Variants in FRMD6 observed in about 807,000 individuals in gnomAD.
FRMD6 encodes the protein FERM domain containing 6.
FRMD6 carries 37 observed loss-of-function variants against 73.2 expected under a neutral mutation model. The observed-to-expected ratio is 0.51, with a 90% CI of 0.39 to 0.66. The LOEUF is 0.66. FRMD6 is among the 30% of genes least tolerant of loss of function. The probability of loss-of-function intolerance (pLI) is 0.00; values close to 1 mark genes in which losing one functional copy is unlikely to be tolerated. For missense variants in FRMD6, 714 were observed against 780.5 expected (o/e 0.91, Z 1.02); for synonymous variants, 273 against 282.2 (o/e 0.97, Z 0.33).
chr14:51,455,621 T>C, the FRMD6 span, among the ~76,000 whole-genome samples: 1 of 152,314 alleles, frequency 6.6e-6, no homozygotes, highest in East Asian at 1.9e-4. Flanking sequence ...TCGCTTAACT[T>C]CTTTTGGTAG....
At chr14:51,455,260 A>G in the FRMD6 span, among the ~76,000 whole-genome samples, 1 of 152,244 alleles carries the variant, frequency 6.6e-6, no homozygotes, top group African/African-American at 2.4e-5. Flanking sequence ...AAGGCATACT[A>G]ATTCACATCC....
At chr14:51,494,096 A>G (rs1038198376) in intron 1 of FRMD6, among the ~76,000 whole-genome samples, 7 of 151,406 alleles carry the variant, frequency 4.6e-5, no homozygotes, top group African/African-American at 1.7e-4. Context: ...GGGTACACAA[A>G]CATGCAGACA....
At chr14:51,537,411 G>C (rs1426352616) in intron 1 of FRMD6, among the ~76,000 whole-genome samples, 1 of 152,188 alleles carries the variant, frequency 6.6e-6, no homozygotes, top group African/African-American at 2.4e-5. Context: ...ACGTACTGAA[G>C]GCTACCTCGG....
chr14:51,469,302 G>C, the FRMD6 span, among the ~76,000 whole-genome samples: 1 of 148,606 alleles, frequency 6.7e-6, no homozygotes, highest in African/African-American at 2.5e-5. Flanking sequence ...AATCAATCTT[G>C]CATTTCTGGA....
At chr14:51,406,966 A>T in the FRMD6 span, among the ~76,000 whole-genome samples, 1 of 152,130 alleles carries the variant, frequency 6.6e-6, no homozygotes, top group Admixed American at 6.5e-5. Flanking sequence ...AGATTTTTGT[A>T]TCAGACAAAC....
intron 1 of FRMD6, among the ~76,000 whole-genome samples, chr14:51,504,674 T>C (rs1043216420): frequency 6.6e-6 from 1 of 152,178 alleles, no homozygotes; most frequent in Non-Finnish European, 1.5e-5. Context: ...CTGCTACTGC[T>C]ACCTGGTAAC....
chr14:51,596,815 C>T (rs55789601), intron 2 of FRMD6, among the ~76,000 whole-genome samples: 52,832 of 151,998 alleles, frequency 0.35, 10,139 homozygotes, highest in South Asian at 0.43. Context: ...GAAAAGCTGT[C>T]TTTCACACAA....
chr14:51,600,821 C>A (rs1231338338), intron 2 of FRMD6, among the ~76,000 whole-genome samples: 6 of 152,182 alleles, frequency 3.9e-5, no homozygotes, highest in Non-Finnish European at 7.3e-5. Context: ...CTGGCCATTG[C>A]CAAAGGCAGG....
At chr14:51,454,433 A>G in the FRMD6 span, 7 of 152,216 alleles carry the variant, frequency 4.6e-5, no homozygotes, top group Admixed American at 3.3e-4. Flanking sequence ...GATGAAGAGG[A>G]CTGAGCTCTT....
At chr14:51,542,444 G>T (rs1372478230) in intron 1 of FRMD6, among the ~76,000 whole-genome samples, 2 of 151,988 alleles carry the variant, frequency 1.3e-5, no homozygotes, top group Admixed American at 1.3e-4. Context: ...TCATCCATTT[G>T]TATCATAATC....
At chr14:51,457,824 G>A in the FRMD6 span, among the ~76,000 whole-genome samples, 5 of 152,166 alleles carry the variant, frequency 3.3e-5, no homozygotes, top group Admixed American at 6.5e-5. Flanking sequence ...AGGCTGTGAC[G>A]GTGTGTTTTC....
chr14:51,455,145 C>T, the FRMD6 span, among the ~76,000 whole-genome samples: 93 of 152,246 alleles, frequency 6.1e-4, no homozygotes, highest in African/African-American at 2.1e-3. Flanking sequence ...AGTTTCTTTA[C>T]TATAGGACTT....
chr14:51,708,070 C>T lies in FRMD6; in HGVS notation c.559-8C>T, dbSNP rs1343392308. On this transcript the variant is annotated splice_region_variant and splice_polypyrimidine_tract_variant and intron_variant, in intron 6 of 13. Coordinates refer to ENST00000344768, the MANE Select transcript of FRMD6 (RefSeq NM_001267046.2). ...ATGTTGCATTGCACACCCCTTGTAT[C>T]CCAACAGGTTGTTTCCAAGAGGGGG... 2 of 1,612,458 alleles carry T rather than the reference C, an allele frequency of 1.2e-6. No homozygotes were observed. The highest frequency in any genetic ancestry group is 8.5e-7 in the Non-Finnish European group (1 of 1,178,972).
chr14:51,412,171 G>T, the FRMD6 span, among the ~76,000 whole-genome samples: 3 of 152,134 alleles, frequency 2.0e-5, no homozygotes, highest in African/African-American at 7.2e-5. Flanking sequence ...GGCTAACATG[G>T]CCACTCTGCT....
At chr14:51,496,502 C>T (rs1258075036) in intron 1 of FRMD6, among the ~76,000 whole-genome samples, 1 of 152,158 alleles carries the variant, frequency 6.6e-6, no homozygotes, top group African/African-American at 2.4e-5. Context: ...GGGACTCTAA[C>T]TTCTGTGATT....
At chr14:51,480,399 A>C in the FRMD6 span, among the ~76,000 whole-genome samples, 4 of 152,238 alleles carry the variant, frequency 2.6e-5, no homozygotes, top group Non-Finnish European at 4.4e-5. Context: ...TTGGGAAAGA[A>C]TATGAAGAGA....
chr14:51,700,555 G>C (rs944907766), intron 3 of FRMD6, among the ~76,000 whole-genome samples: 12 of 152,032 alleles, frequency 7.9e-5, no homozygotes, highest in Non-Finnish European at 1.8e-4. Flanking sequence ...TAGTCTTAAA[G>C]ATTAGTCTTC....
chr14:51,705,579 C>A (rs1302127205), intron 6 of FRMD6, among the ~76,000 whole-genome samples: 1 of 152,070 alleles, frequency 6.6e-6, no homozygotes, highest in Non-Finnish European at 1.5e-5. Flanking sequence ...TCTCACCCAC[C>A]CATCCTTGAG....
upstream of FRMD6, among the ~76,000 whole-genome samples, chr14:51,488,728 C>A (rs1471319813): frequency 6.6e-6 from 1 of 152,226 alleles, no homozygotes; most frequent in Non-Finnish European, 1.5e-5. Flanking sequence ...TGATAGTAAT[C>A]CTTGCTACTC....
Sources: allele counts gnomAD v4.1 joint callset (sites outside exome capture counted in the v4.1 genomes callset), GRCh38; gene constraint gnomAD v4.1.1; transcripts MANE v1.5; gene names NCBI Gene and HGNC (gene_info 2026-07-23, HGNC 2026-07-21).